The following MEF2C variants were observed in gnomAD, a reference collection of about 807,000 sequenced individuals.
MEF2C encodes the protein myocyte enhancer factor 2C.
Under a neutral mutation model 50.5 loss-of-function variants are expected in MEF2C, and 6 were observed. The ratio of observed to expected loss-of-function variants is 0.12; its 90% CI spans 0.07 to 0.23. MEF2C has a LOEUF of 0.23. MEF2C is among the 10% of genes least tolerant of loss of function. The pLI is 1.00. For synonymous variants in MEF2C, 183 were observed against 228.0 expected (o/e 0.80, Z 1.78); for missense variants, 276 against 605.0 (o/e 0.46, Z 5.70).
chr5:88,847,642 T>C (rs903907623), intron 1 of MEF2C, among the ~76,000 whole-genome samples: 1 of 152,172 alleles, frequency 6.6e-6, no homozygotes, highest in African/African-American at 2.4e-5. Context: ...GACAATTCTC[T>C]GTGCCAACTT....
intron 6 of MEF2C, chr5:88,738,948 T>C: frequency 8.1e-6 from 8 of 983,028 alleles, no homozygotes; most frequent in Non-Finnish European, 8.5e-6. Flanking sequence ...TGTTTAACTT[T>C]TAGTGTGCTA....
intron 3 of MEF2C, among the ~76,000 whole-genome samples, chr5:88,774,794 G>A (rs539161680): frequency 3.3e-5 from 5 of 152,192 alleles, no homozygotes; most frequent in Non-Finnish European, 7.4e-5. Flanking sequence ...AGAGCTTCAG[G>A]TGCTTAAAAA....
chr5:88,861,536 C>T (rs957933665), intron 1 of MEF2C, among the ~76,000 whole-genome samples: 9 of 152,012 alleles, frequency 5.9e-5, no homozygotes, highest in Non-Finnish European at 1.2e-4. Context: ...AGCTACTGCA[C>T]GAAGTGAGAG....
At chr5:88,861,153 C>T (rs304162) in intron 1 of MEF2C, among the ~76,000 whole-genome samples, 140,690 of 152,346 alleles carry the variant, frequency 0.92, 65,108 homozygotes, top group African/African-American at 0.98. Context: ...CAATGTTCTG[C>T]ATTTGCTTCA....
chr5:88,803,867 A>C (rs1232356172), intron 3 of MEF2C, among the ~76,000 whole-genome samples: 3 of 152,346 alleles, frequency 2.0e-5, no homozygotes, highest in African/African-American at 7.2e-5. Flanking sequence ...TATGTTACTT[A>C]TGCTAACACA....
At chr5:88,728,017 AT>A (rs1759687021) in intron 10 of MEF2C, among the ~76,000 whole-genome samples, 1 of 152,030 alleles carries the variant, frequency 6.6e-6, no homozygotes, top group African/African-American at 2.4e-5. Context: ...ATTTCTTAAA[AT>A]ATCTATAAGT....
intron 4 of MEF2C, among the ~76,000 whole-genome samples, chr5:88,753,661 G>T (rs1429339062): frequency 6.6e-6 from 1 of 152,210 alleles, no homozygotes; most frequent in Non-Finnish European, 1.5e-5. Context: ...AAAGTACTGG[G>T]ATTATAGGTG....
At chr5:88,842,280 C>T (rs536407307) in intron 1 of MEF2C, among the ~76,000 whole-genome samples, 4 of 151,742 alleles carry the variant, frequency 2.6e-5, no homozygotes, top group Non-Finnish European at 2.9e-5. Context: ...ATTAAGAATC[C>T]GGCCAATCAC....
Position 88,893,922 on chromosome 5 carries a change from C to T in MEF2C, c.-239-6324G>A, listed in dbSNP as rs534261062. Among the ~76,000 whole-genome samples, 5 of 152,246 alleles carry T rather than the reference C, an allele frequency of 3.3e-5. No homozygotes were observed. In the East Asian group the frequency reaches 9.6e-4, roughly 29 times the overall value. On this transcript the variant is annotated intron_variant, in intron 1 of 11. Coordinates refer to the MEF2C transcript ENST00000340208. The stretch of plus-strand genomic sequence containing the variant: ...CTCAAACAAAAGGCCAGATTTCCTA[C>T]GGACTATTACTTATTTATTCATTTA...
rs145607091 is a variant in MEF2C at position 88,846,588 on chromosome 5, A to G, written c.-142-22658T>C. On this transcript the variant is annotated intron_variant, in intron 1 of 10. Coordinates refer to ENST00000504921, the MANE Select transcript of MEF2C (RefSeq NM_002397.5). The stretch of plus-strand genomic sequence containing the variant: ...TCTTTGTGCTCAACATGGTAGAAAT[A>G]TCATTCAAACACAGTTTATCCCTGC... 3.3e-3 allele frequency among the ~76,000 whole-genome samples: 498 copies of G among 152,308 alleles called. 3 individuals carry two copies. Among genetic ancestry groups the G allele is most frequent in the African/African-American group, 0.011 (476 of 41,552 alleles).
chr5:88,791,868 T>G (rs936032889), intron 3 of MEF2C, among the ~76,000 whole-genome samples: 1 of 152,010 alleles, frequency 6.6e-6, no homozygotes, highest in Non-Finnish European at 1.5e-5. Flanking sequence ...ACAAAATCTT[T>G]TTCCCCTTTT....
intron 1 of MEF2C, among the ~76,000 whole-genome samples, chr5:88,837,511 A>G (rs1038937159): frequency 1.2e-4 from 18 of 152,196 alleles, no homozygotes; most frequent in African/African-American, 2.7e-4. Flanking sequence ...CGCTAGCTGC[A>G]TATCTTTGGG....
At position 88,722,664 on chromosome 5, in the gene MEF2C, C is replaced by T; in HGVS notation, c.1362G>A (p.Pro454=). The T allele has an allele frequency of 1.2e-6, 2 of 1,613,786 alleles. No individual in the cohort carries two copies. Among genetic ancestry groups the T allele is most frequent in the Non-Finnish European group, 1.7e-6 (2 of 1,179,872 alleles). The part of the protein sequence containing the change: ...HSPIGLTRPS[P]DERESPSVKR... ...TGACTGAGGGACTTTCCCTTTCGTC[C>T]GGCGAAGGTCTGGTGAGTCCAATGG... Residue 454 remains proline (P), a synonymous_variant, in exon 11 of 11, where the codon CCG becomes CCA. Transcript: ENST00000504921.
chr5:88,845,160 C>A (rs1363956522), intron 1 of MEF2C, among the ~76,000 whole-genome samples: 2 of 152,146 alleles, frequency 1.3e-5, no homozygotes, highest in African/African-American at 2.4e-5. Flanking sequence ...AAGTTGAAGC[C>A]AGAATGAACA....
chr5:88,816,895 T>C (rs1257417127), intron 2 of MEF2C, among the ~76,000 whole-genome samples: 1 of 151,910 alleles, frequency 6.6e-6, no homozygotes, highest in African/African-American at 2.4e-5. Flanking sequence ...GATAGGAAAA[T>C]CAATAATTTT....
At chr5:88,812,038 T>A (rs2153129155) in intron 2 of MEF2C, among the ~76,000 whole-genome samples, 1 of 152,244 alleles carries the variant, frequency 6.6e-6, no homozygotes, top group East Asian at 1.9e-4. Context: ...GTAAATAACT[T>A]GTTAACTGTG....
chr5:88,748,098 G>C, intron 6 of MEF2C: 1 of 985,002 alleles, frequency 1.0e-6, no homozygotes, highest in Non-Finnish European at 1.2e-6. Context: ...TGAAGAGCCA[G>C]CATCAGAACA....
chr5:88,822,537 T>C (rs1161916267), intron 2 of MEF2C, among the ~76,000 whole-genome samples: 1 of 151,990 alleles, frequency 6.6e-6, no homozygotes, highest in Non-Finnish European at 1.5e-5. Context: ...TAGAGGAGTA[T>C]AAACTTGAAA....
chr5:88,851,059 C>T (rs974852849), intron 1 of MEF2C, among the ~76,000 whole-genome samples: 6 of 151,626 alleles, frequency 4.0e-5, no homozygotes, highest in Non-Finnish European at 8.8e-5. Flanking sequence ...GTGGTGAAAC[C>T]CCATCTCTAC....
Sources: allele counts gnomAD v4.1 joint callset (sites outside exome capture counted in the v4.1 genomes callset), GRCh38; gene constraint gnomAD v4.1.1; transcripts MANE v1.5; gene names NCBI Gene and HGNC (gene_info 2026-07-23, HGNC 2026-07-21).